SH3D19: variants seen among roughly 807,000 people sequenced by gnomAD.
The protein encoded by SH3D19 is SH3 domain containing 19, also known as SH3 domain-containing protein 19.
In SH3D19, 58 loss-of-function variants were observed where a neutral mutation model predicts 112.1. The ratio of observed to expected loss-of-function variants is 0.52; its 90% confidence interval spans 0.42 to 0.64. The LOEUF is 0.64. SH3D19 is among the 30% of genes least tolerant of loss of function. The pLI is 0.00. For synonymous variants in SH3D19, 391 were observed against 448.5 expected, an observed-to-expected ratio of 0.87 and a Z score of 1.62; for missense variants, 1,090 against 1,263.4, an observed-to-expected ratio of 0.86 and a Z score of 2.08.
intron 2 of SH3D19, among the ~76,000 whole-genome samples, chr4:151,196,149 T>C (rs1241844263): frequency 6.6e-6 from 1 of 152,144 alleles, no homozygotes; most frequent in African/African-American, 2.4e-5. Flanking sequence ...AGGAATCATT[T>C]GGTCATATCA....
intron 9 of SH3D19, 105 bp downstream of exon 9, chr4:151,159,135 G>A: frequency 1.6e-6 from 1 of 610,550 alleles, no homozygotes; most frequent in Non-Finnish European, 2.7e-6. Flanking sequence ...GAGGGTTCTT[G>A]TTTTTAATCT....
intron 9 of SH3D19, among the ~76,000 whole-genome samples, chr4:151,159,030 G>A (rs1464615698): frequency 6.6e-6 from 1 of 152,130 alleles, no homozygotes; most frequent in African/African-American, 2.4e-5. Context: ...TTATAGTGAA[G>A]TACAATGAAT....
At chr4:151,324,075 G>T (rs1231164754) in intron 1 of SH3D19, among the ~76,000 whole-genome samples, 1 of 152,146 alleles carries the variant, frequency 6.6e-6, no homozygotes, top group Non-Finnish European at 1.5e-5. Flanking sequence ...TTCAAAACTG[G>T]TGTTCATATA....
chr4:151,243,021 G>A (rs553360855), intron 1 of SH3D19, among the ~76,000 whole-genome samples: 54 of 152,264 alleles, frequency 3.5e-4, no homozygotes, highest in Non-Finnish European at 6.3e-4. Flanking sequence ...GGTGACAGGT[G>A]CACTGATAAT....
At position 151,253,644 on chromosome 4, in the gene SH3D19, C is replaced by T. The variant is rs979768544; in HGVS notation, c.113-27558G>A. ...TAGTCTCAGCTACTCAGGAGGCTGA[C>T]GCAGGAGAATGGTGTGAACCGGGGA... is the stretch of plus-strand genomic sequence containing the variant. On this transcript the variant is annotated intron_variant, in intron 1 of 19. Transcript: ENST00000604030. 4.5e-4 allele frequency among the ~76,000 whole-genome samples: 69 copies of T among 151,712 alleles called. 1 individual carries two copies. The highest frequency in any genetic ancestry group is 5.9e-5 in the Non-Finnish European group (4 of 67,970).
intron 3 of SH3D19, among the ~76,000 whole-genome samples, chr4:151,183,193 T>C (rs962988302): frequency 7.9e-5 from 12 of 152,184 alleles, no homozygotes; most frequent in Non-Finnish European, 1.8e-4. Flanking sequence ...GGTTTCACCA[T>C]GTTGGTCAGG....
intron 15 of SH3D19, among the ~76,000 whole-genome samples, chr4:151,134,078 T>C (rs1751311506): frequency 6.6e-6 from 1 of 152,218 alleles, no homozygotes; most frequent in Admixed American, 6.5e-5. Flanking sequence ...TCAATGACTG[T>C]AAAAGCCCAC....
At chr4:151,235,190 G>C (rs11729981) in intron 1 of SH3D19, among the ~76,000 whole-genome samples, 1 of 151,824 alleles carries the variant, frequency 6.6e-6, no homozygotes, top group African/African-American at 2.4e-5. Flanking sequence ...CCCTCCTCCC[G>C]CCCTCCACCC....
intron 1 of SH3D19, among the ~76,000 whole-genome samples, chr4:151,306,527 A>C (rs1025483793): frequency 2.6e-5 from 4 of 152,204 alleles, no homozygotes; most frequent in Non-Finnish European, 5.9e-5. Context: ...TAAGTAAGAA[A>C]GCTGGAGACT....
chr4:151,158,006 T>C (rs1339924875), intron 9 of SH3D19, among the ~76,000 whole-genome samples: 1 of 152,136 alleles, frequency 6.6e-6, no homozygotes, highest in Non-Finnish European at 1.5e-5. Flanking sequence ...ACAGGAGGAA[T>C]AAATTCTAGT....
At chr4:151,250,698 G>A (rs929994905) in intron 1 of SH3D19, among the ~76,000 whole-genome samples, 6 of 152,188 alleles carry the variant, frequency 3.9e-5, no homozygotes, top group Non-Finnish European at 5.9e-5. Context: ...AAGAAGAGGA[G>A]TCAAACCTAT....
At position 151,271,922 on chromosome 4, in the gene SH3D19, C is replaced by T. The variant is rs1773255294; in HGVS notation, c.113-45836G>A. On this transcript the variant is annotated intron_variant, in intron 1 of 19. Transcript: ENST00000604030. ...GTATGGCAGAGGTATTTAAAGATAACGTTAATGATGGCATAGGGTAATAAT... is the reference window on the plus strand; with the variant it reads ...GTATGGCAGAGGTATTTAAAGATAATGTTAATGATGGCATAGGGTAATAAT... 4.6e-5 allele frequency among the ~76,000 whole-genome samples: 7 copies of T among 152,066 alleles called. No homozygotes were observed. The South Asian group carries it at 1.0e-3, about 23-fold the overall frequency.
chr4:151,131,194 A>G (rs1240189465), intron 17 of SH3D19, among the ~76,000 whole-genome samples: 1 of 151,718 alleles, frequency 6.6e-6, no homozygotes, highest in Admixed American at 6.6e-5. Context: ...GTTGTTTCCA[A>G]TTTTTTCTTA....
chr4:151,325,159 T>A, intron 1 of SH3D19, 82 bp downstream of exon 1: 1 of 737,988 alleles, frequency 1.4e-6, no homozygotes, highest in Non-Finnish European at 1.8e-6. Flanking sequence ...GTGAAGGAGC[T>A]GCCGCTGTGT....
Position 151,147,028 on chromosome 4 carries a change from C to T in SH3D19, c.2082+894G>A, listed in dbSNP as rs549861059. 3.3e-5 allele frequency among the ~76,000 whole-genome samples: 5 copies of T among 152,294 alleles called. No homozygotes were observed. The South Asian group carries it at 1.0e-3, about 32-fold the overall frequency. ...AACCATCCATCTTAGTAAGAACTTT[C>T]TACTTCATTTTAAAATTTACTCAAG... On this transcript the variant is annotated intron_variant, in intron 11 of 19. Coordinates refer to ENST00000604030, the MANE Select transcript of SH3D19 (RefSeq NM_001378122.1).
chr4:151,126,570 C>T (rs28594255), intron 19 of SH3D19, among the ~76,000 whole-genome samples: 2,848 of 151,782 alleles, frequency 0.019, 89 homozygotes, highest in African/African-American at 0.064. Context: ...CTGAGGTGGG[C>T]GGATCACCAG....
At chr4:151,194,278 C>T (rs963301844) in intron 2 of SH3D19, among the ~76,000 whole-genome samples, 12 of 151,864 alleles carry the variant, frequency 7.9e-5, no homozygotes, top group South Asian at 6.2e-4. Flanking sequence ...CCACCCACCA[C>T]GGCCTCCCAA....
At chr4:151,184,411 TTA>T (rs796621849) in intron 3 of SH3D19, among the ~76,000 whole-genome samples, 10 of 152,308 alleles carry the variant, frequency 6.6e-5, no homozygotes, top group African/African-American at 2.2e-4. Context: ...CATTCTGTAT[TTA>T]TATGTTATCA....
At chr4:151,274,987 C>A (rs780735279) in intron 1 of SH3D19, among the ~76,000 whole-genome samples, 2 of 152,126 alleles carry the variant, frequency 1.3e-5, no homozygotes, top group South Asian at 2.1e-4. Flanking sequence ...AGATTAGAAC[C>A]CAACCTAATG....
Sources: allele counts gnomAD v4.1 joint callset (sites outside exome capture counted in the v4.1 genomes callset), GRCh38; gene constraint gnomAD v4.1.1; transcripts MANE v1.5; gene names NCBI Gene and HGNC (gene_info 2026-07-23, HGNC 2026-07-21).